The following OCA2 variants were observed in gnomAD, a reference collection of about 807,000 sequenced individuals.
OCA2 encodes the protein OCA2 melanosomal transmembrane protein.
In OCA2, 77 loss-of-function variants were observed where a neutral mutation model predicts 100.2. That is an observed-to-expected ratio of 0.77 (90% CI 0.64 to 0.93). The LOEUF is 0.93. Ranked by LOEUF, OCA2 falls within the 40% of genes least tolerant of loss-of-function variation. OCA2 has a pLI of 0.00. For missense variants in OCA2, 1,062 were observed against 1,089.1 expected (o/e 0.98, Z 0.35); for synonymous variants, 432 against 439.2 (o/e 0.98, Z 0.21).
chr15:27,778,746 T>A (rs2032382132), intron 23 of OCA2, among the ~76,000 whole-genome samples: 2 of 152,182 alleles, frequency 1.3e-5, no homozygotes, highest in Admixed American at 1.3e-4. Flanking sequence ...GGAAAGCTGC[T>A]GAGAGAATCT....
intron 22 of OCA2, among the ~76,000 whole-genome samples, chr15:27,849,757 G>A (rs1033357090): frequency 2.0e-5 from 3 of 151,886 alleles, no homozygotes; most frequent in Non-Finnish European, 4.4e-5. Context: ...GCGCAACGCT[G>A]TGAATGTCCC....
the OCA2 span, among the ~76,000 whole-genome samples, chr15:27,744,336 T>C: frequency 6.6e-6 from 1 of 152,072 alleles, no homozygotes; most frequent in Non-Finnish European, 1.5e-5. Flanking sequence ...TGGTGGGAAC[T>C]TGACATTGAC....
At chr15:27,985,849 C>T (rs558293208) in intron 12 of OCA2, among the ~76,000 whole-genome samples, 138 of 152,136 alleles carry the variant, frequency 9.1e-4, no homozygotes, top group Admixed American at 2.4e-3. Context: ...TGTGCTACCA[C>T]GCCCAGCTAA....
At chr15:27,950,548 A>G (rs2039993113) in intron 18 of OCA2, 1 of 518,202 alleles carries the variant, frequency 1.9e-6, no homozygotes. Context: ...TGCCAGCTTG[A>G]ACCAAGCCCA....
At chr15:27,905,650 G>A (rs530828463) in intron 19 of OCA2, among the ~76,000 whole-genome samples, 3 of 152,342 alleles carry the variant, frequency 2.0e-5, no homozygotes, top group African/African-American at 7.2e-5. Flanking sequence ...AAGAAAAGGA[G>A]GTAAAAGCGG....
At chr15:27,976,852 A>G (rs1051953156) in intron 14 of OCA2, among the ~76,000 whole-genome samples, 2 of 152,178 alleles carry the variant, frequency 1.3e-5, no homozygotes, top group African/African-American at 4.8e-5. Flanking sequence ...GGGAGAATTC[A>G]CCAAAGAAGC....
At chr15:27,807,509 G>A (rs112173030) in intron 23 of OCA2, among the ~76,000 whole-genome samples, 48 of 152,206 alleles carry the variant, frequency 3.2e-4, no homozygotes, top group African/African-American at 1.1e-3. Context: ...ATCCACACAC[G>A]TCAGGGAAGG....
At chr15:27,743,656 G>A in the OCA2 span, among the ~76,000 whole-genome samples, 1 of 152,170 alleles carries the variant, frequency 6.6e-6, no homozygotes, top group East Asian at 1.9e-4. Context: ...GCAACTAAAT[G>A]CCTGCTGTCC....
chr15:28,083,180 C>T (rs2044707033), intron 1 of OCA2, among the ~76,000 whole-genome samples: 1 of 152,172 alleles, frequency 6.6e-6, no homozygotes, highest in African/African-American at 2.4e-5. Flanking sequence ...TTCCAGTGGA[C>T]CCAGGATGAA....
At chr15:27,902,958 T>G (rs758916151) in intron 19 of OCA2, among the ~76,000 whole-genome samples, 5 of 152,040 alleles carry the variant, frequency 3.3e-5, no homozygotes, top group African/African-American at 4.8e-5. Context: ...GCTCACATCC[T>G]CCACCCCGAC....
intron 23 of OCA2, among the ~76,000 whole-genome samples, chr15:27,784,157 G>A (rs2032688260): frequency 6.6e-6 from 1 of 152,216 alleles, no homozygotes; most frequent in Non-Finnish European, 1.5e-5. Context: ...TGAACGGCAG[G>A]AGCATAGAGG....
At chr15:28,014,750 A>G in intron 9 of OCA2, 26 bp downstream of exon 9, 1 of 1,608,474 alleles carries the variant, frequency 6.2e-7, no homozygotes, top group Non-Finnish European at 8.5e-7. Context: ...GCCCAGACAG[A>G]TCGGGGGAGC....
rs545951918 is a variant in OCA2, at chr15:27,972,232, C to T, written c.1504-5410G>A. Among the ~76,000 whole-genome samples, 4 of 152,214 alleles carry T rather than the reference C, an allele frequency of 2.6e-5. No homozygotes were observed. In the South Asian group the frequency reaches 8.3e-4, roughly 32 times the overall value. ...CATATCTCTCTCTCTCTCAAATTTTCTTTATCCACTTATCTGTTGATAGGC... is the reference window on the plus strand; with the variant it reads ...CATATCTCTCTCTCTCTCAAATTTTTTTTATCCACTTATCTGTTGATAGGC... On this transcript the variant is annotated intron_variant, in intron 14 of 23. Transcript: ENST00000354638.
intron 2 of OCA2, among the ~76,000 whole-genome samples, chr15:28,035,627 G>A (rs2043025775): frequency 6.6e-6 from 1 of 152,084 alleles, no homozygotes; most frequent in Non-Finnish European, 1.5e-5. Context: ...TATTATTCCT[G>A]ACTTTTCCTC....
chr15:27,901,417 T>G (rs1407944313), intron 19 of OCA2, among the ~76,000 whole-genome samples: 1 of 152,136 alleles, frequency 6.6e-6, no homozygotes, highest in Admixed American at 6.5e-5. Flanking sequence ...TCACTGAATC[T>G]CCTGGCTCCT....
At chr15:27,848,598 T>A (rs1407778557) in intron 22 of OCA2, among the ~76,000 whole-genome samples, 1 of 152,188 alleles carries the variant, frequency 6.6e-6, no homozygotes, top group Non-Finnish European at 1.5e-5. Flanking sequence ...AATGCATGGA[T>A]CCAGAGGCAG....
At chr15:27,909,828 T>C (rs937882327) in intron 19 of OCA2, among the ~76,000 whole-genome samples, 9 of 152,170 alleles carry the variant, frequency 5.9e-5, no homozygotes, top group African/African-American at 1.7e-4. Flanking sequence ...AGCCTTTCTA[T>C]ATAAAACTGA....
At position 27,792,600 on chromosome 15, in the gene OCA2, G is replaced by A. The variant is rs113054121; in HGVS notation, c.2433-37128C>T. On this transcript the variant is annotated intron_variant, in intron 23 of 23. Coordinates refer to ENST00000354638, the MANE Select transcript of OCA2 (RefSeq NM_000275.3). ...CCATCTATGGGGTCCATAACTTTCCGAGACGTGCACCCTCCACAGCCGAGT... is the reference window on the plus strand; with the variant it reads ...CCATCTATGGGGTCCATAACTTTCCAAGACGTGCACCCTCCACAGCCGAGT... Among the ~76,000 whole-genome samples, 936 of 152,178 alleles carry A rather than the reference G, an allele frequency of 6.2e-3. 17 individuals carry two copies. Among genetic ancestry groups the A allele is most frequent in the African/African-American group, 0.021 (871 of 41,506 alleles).
intron 23 of OCA2, among the ~76,000 whole-genome samples, chr15:27,790,171 A>C (rs2033013960): frequency 6.6e-6 from 1 of 152,246 alleles, no homozygotes; most frequent in Admixed American, 6.5e-5. Flanking sequence ...CAACATCATT[A>C]ATTATTAGTA....
Sources: allele counts gnomAD v4.1 joint callset (sites outside exome capture counted in the v4.1 genomes callset), GRCh38; gene constraint gnomAD v4.1.1; transcripts MANE v1.5; gene names NCBI Gene and HGNC (gene_info 2026-07-23, HGNC 2026-07-21).